Variants in CCDC178 observed in about 807,000 individuals in gnomAD.
The protein encoded by CCDC178 is coiled-coil domain containing 178.
In CCDC178, 126 loss-of-function variants were observed where a neutral mutation model predicts 117.4. The observed-to-expected ratio is 1.07, with a 90% CI of 0.93 to 1.24. CCDC178 has a LOEUF of 1.24. CCDC178 is among the 50% of genes most tolerant of loss of function. The pLI is 0.00. For synonymous variants in CCDC178, 283 were observed against 313.4 expected (o/e 0.90, Z 1.02); for missense variants, 1,030 against 986.9 (o/e 1.04, Z -0.59).
At chr18:33,070,110 G>A (rs555000334) in intron 21 of CCDC178, among the ~76,000 whole-genome samples, 2 of 152,166 alleles carry the variant, frequency 1.3e-5, no homozygotes, top group South Asian at 2.1e-4. Flanking sequence ...ATGGAGAACC[G>A]TATGGAAGTT....
At chr18:33,108,363 T>G (rs2057736219) in intron 20 of CCDC178, among the ~76,000 whole-genome samples, 1 of 151,682 alleles carries the variant, frequency 6.6e-6, no homozygotes, top group Non-Finnish European at 1.5e-5. Flanking sequence ...GAATTATATT[T>G]TCAGGATTTT....
chr18:33,309,621 A>G (rs1249423939), intron 11 of CCDC178, among the ~76,000 whole-genome samples: 2 of 152,186 alleles, frequency 1.3e-5, no homozygotes, highest in Non-Finnish European at 2.9e-5. Context: ...GACATCTGAA[A>G]AACAGTTCAT....
chr18:33,316,237 C>T (rs1402779971), intron 11 of CCDC178, among the ~76,000 whole-genome samples: 4 of 152,204 alleles, frequency 2.6e-5, no homozygotes, highest in East Asian at 3.9e-4. Context: ...GGGAGAGGCG[C>T]CGGCGGGAAC....
chr18:33,018,589 C>A (rs1339338647), intron 21 of CCDC178, among the ~76,000 whole-genome samples: 2 of 151,992 alleles, frequency 1.3e-5, no homozygotes, highest in Non-Finnish European at 1.5e-5. Flanking sequence ...GCTCAATGAA[C>A]CTTTAAAGCA....
intron 20 of CCDC178, among the ~76,000 whole-genome samples, chr18:33,207,565 T>C (rs2059059073): frequency 6.6e-6 from 1 of 151,118 alleles, no homozygotes; most frequent in East Asian, 2.0e-4. Flanking sequence ...TCATAATATC[T>C]AAAGTATGTT....
At chr18:33,326,772 C>G (rs1228227823) in intron 10 of CCDC178, among the ~76,000 whole-genome samples, 1 of 151,670 alleles carries the variant, frequency 6.6e-6, no homozygotes, top group Admixed American at 6.6e-5. Flanking sequence ...GGGGATTGAG[C>G]AGCCCTCTGG....
chr18:33,335,456 C>G (rs1195072567), intron 9 of CCDC178, among the ~76,000 whole-genome samples: 1 of 151,854 alleles, frequency 6.6e-6, no homozygotes, highest in Non-Finnish European at 1.5e-5. Flanking sequence ...TTAAGTATTG[C>G]CATTATTACT....
Position 33,173,038 on chromosome 18 carries a change from G to C in CCDC178, c.2238+38858C>G, listed in dbSNP as rs558948980. On this transcript the variant is annotated intron_variant, in intron 20 of 22. Coordinates refer to ENST00000383096, the MANE Select transcript of CCDC178 (RefSeq NM_001105528.4). ...AAAATAAAATCCTTGCAATATTTTA[G>C]AGTTGCATTTAGTTTTTGTTTTTGT... 5.7e-4 allele frequency among the ~76,000 whole-genome samples: 87 copies of C among 152,116 alleles called. 1 individual carries two copies. Among genetic ancestry groups the C allele is most frequent in the African/African-American group, 2.0e-3 (84 of 41,498 alleles).
intron 9 of CCDC178, among the ~76,000 whole-genome samples, chr18:33,342,756 A>C (rs1471122871): frequency 1.3e-5 from 2 of 152,228 alleles, no homozygotes; most frequent in African/African-American, 4.8e-5. Flanking sequence ...GCCATCAGCA[A>C]ATAAGAAAAT....
chr18:33,250,647 C>A (rs1007853352), intron 14 of CCDC178, among the ~76,000 whole-genome samples: 1 of 151,578 alleles, frequency 6.6e-6, no homozygotes, highest in Non-Finnish European at 1.5e-5. Flanking sequence ...AATAAAATTG[C>A]AGAATTATAA....
chr18:33,386,620 CAT>C (rs1385075888), intron 5 of CCDC178, among the ~76,000 whole-genome samples: 2 of 152,148 alleles, frequency 1.3e-5, no homozygotes, highest in Admixed American at 6.5e-5. Context: ...ACAAAAACCA[CAT>C]GATTATCTCA....
Position 33,102,449 on chromosome 18 carries a change from T to C in CCDC178, c.2239-9539A>G, listed in dbSNP as rs868780393. 2.2e-4 allele frequency among the ~76,000 whole-genome samples: 32 copies of C among 147,718 alleles called. 2 individuals are homozygous for C. The South Asian group carries it at 6.8e-3, about 31-fold the overall frequency. On this transcript the variant is annotated intron_variant, in intron 20 of 22. Transcript: ENST00000383096. ...TAAAAAAAAAAAAAAAAAATAGGCC[T>C]CAGTCTTTTCCTTGGAGATTCAGGG...
At chr18:33,222,946 G>C (rs1227758265) in intron 18 of CCDC178, among the ~76,000 whole-genome samples, 160 bp downstream of exon 18, 1 of 152,000 alleles carries the variant, frequency 6.6e-6, no homozygotes, top group Non-Finnish European at 1.5e-5. Context: ...AAAACACAAG[G>C]ACTGTGTGTG....
intron 19 of CCDC178, among the ~76,000 whole-genome samples, chr18:33,214,878 T>G (rs575047287): frequency 2.6e-5 from 4 of 152,118 alleles, no homozygotes; most frequent in African/African-American, 7.2e-5. Flanking sequence ...CTTCTTTATT[T>G]AAAGCAGACT....
chr18:33,001,872 G>A (rs1243242272), intron 21 of CCDC178, among the ~76,000 whole-genome samples: 6 of 152,140 alleles, frequency 3.9e-5, no homozygotes, highest in Non-Finnish European at 8.8e-5. Flanking sequence ...AAAAAGAACA[G>A]TAGTAGCTAT....
intron 21 of CCDC178, among the ~76,000 whole-genome samples, chr18:33,045,873 C>A (rs141565273): frequency 1.3e-5 from 2 of 151,978 alleles, no homozygotes; most frequent in Non-Finnish European, 2.9e-5. Context: ...TCGAGACCAG[C>A]CTGGCTGAAA....
intron 2 of CCDC178, among the ~76,000 whole-genome samples, chr18:33,419,890 C>T (rs1198748703): frequency 6.6e-6 from 1 of 151,694 alleles, no homozygotes; most frequent in Admixed American, 6.6e-5. Context: ...AATTACCATT[C>T]AACCCAGCAA....
rs775637421 is a variant in CCDC178 at position 33,370,032 on chromosome 18, T to C, written c.348+18A>G. The C allele has an allele frequency of 1.3e-6, 2 of 1,527,468 alleles. No homozygotes were observed. Among genetic ancestry groups the C allele is most frequent in the South Asian group, 2.5e-5 (2 of 78,858 alleles). 94.6% of individuals were successfully genotyped at this position (1,527,468 alleles called of 1,614,324 possible). A position where few individuals can be genotyped will look rare whatever the true frequency, so the allele number is the denominator to read the frequency against. ...ATAAAGCTTACCAAAATATCAGCAT[T>C]TTAAATTAGTCTCTTACCCTTTTCA... On this transcript the variant is annotated intron_variant, in intron 6 of 22. Coordinates refer to ENST00000383096, the MANE Select transcript of CCDC178 (RefSeq NM_001105528.4).
intron 20 of CCDC178, among the ~76,000 whole-genome samples, chr18:33,105,419 A>G (rs1002679628): frequency 5.1e-4 from 77 of 151,806 alleles, no homozygotes; most frequent in African/African-American, 1.8e-3. Context: ...ACAATTTAGT[A>G]AATGTGTGAA....
Sources: allele counts gnomAD v4.1 joint callset (sites outside exome capture counted in the v4.1 genomes callset), GRCh38; gene constraint gnomAD v4.1.1; transcripts MANE v1.5; gene names NCBI Gene and HGNC (gene_info 2026-07-23, HGNC 2026-07-21).